The following SERPINB12 variants were observed in gnomAD, a reference collection of about 807,000 sequenced individuals.
SERPINB12 encodes the protein serpin family B member 12.
SERPINB12 carries 57 observed loss-of-function variants against 41.1 expected under a neutral mutation model. The ratio of observed to expected loss-of-function variants is 1.39; its 90% CI spans 1.12 to 1.73. The LOEUF is 1.73. Ranked by LOEUF, SERPINB12 falls within the 40% of genes most tolerant of loss-of-function variation. The pLI is 0.00. For synonymous variants in SERPINB12, 180 were observed against 181.3 expected, an observed-to-expected ratio of 0.99 and a Z score of 0.06; for missense variants, 536 against 501.9, an observed-to-expected ratio of 1.07 and a Z score of -0.65.
chr18:63,527,268 A>C, the SERPINB12 span, among the ~76,000 whole-genome samples: 20 of 152,324 alleles, frequency 1.3e-4, no homozygotes, highest in Admixed American at 9.2e-4. Flanking sequence ...AGACCAAGTA[A>C]ATTTTATGCT....
chr18:63,525,555 C>CA, the SERPINB12 span, among the ~76,000 whole-genome samples: 3 of 152,154 alleles, frequency 2.0e-5, no homozygotes, highest in African/African-American at 7.2e-5. Flanking sequence ...TTGTGTTCAG[C>CA]AATTTATTTT....
chr18:63,560,395 G>T (rs779781191), intron 4 of SERPINB12, among the ~76,000 whole-genome samples: 12 of 152,214 alleles, frequency 7.9e-5, no homozygotes, highest in Non-Finnish European at 1.8e-4. Flanking sequence ...CAGGGGTTGG[G>T]TGGCCTCCTT....
At chr18:63,544,489 G>A (rs1455814068) in intron 1 of SERPINB12, among the ~76,000 whole-genome samples, 2 of 152,134 alleles carry the variant, frequency 1.3e-5, no homozygotes, top group African/African-American at 4.8e-5. Context: ...TGATGTAGTT[G>A]CCTGAGGTCT....
At chr18:63,534,404 T>G in the SERPINB12 span, among the ~76,000 whole-genome samples, 4 of 152,132 alleles carry the variant, frequency 2.6e-5, no homozygotes, top group African/African-American at 9.6e-5. Flanking sequence ...CCTTGCTGCC[T>G]TATTGTATTA....
chr18:63,561,584 G>T (rs752363509), intron 5 of SERPINB12, among the ~76,000 whole-genome samples: 2 of 152,140 alleles, frequency 1.3e-5, no homozygotes, highest in Admixed American at 1.3e-4. Flanking sequence ...AAAGACATAT[G>T]CACTCATATG....
At chr18:63,519,856 C>T in the SERPINB12 span, among the ~76,000 whole-genome samples, 482 of 152,198 alleles carry the variant, frequency 3.2e-3, no homozygotes, top group African/African-American at 6.5e-3. Flanking sequence ...AAGGTAGGCT[C>T]GAGAATGAGT....
At chr18:63,543,351 G>A (rs1910314287) in intron 1 of SERPINB12, among the ~76,000 whole-genome samples, 1 of 152,112 alleles carries the variant, frequency 6.6e-6, no homozygotes, top group Admixed American at 6.5e-5. Context: ...TTTGAAAGGA[G>A]AGACCCTCGT....
chr18:63,525,109 C>T, the SERPINB12 span, among the ~76,000 whole-genome samples: 1 of 152,164 alleles, frequency 6.6e-6, no homozygotes, highest in Non-Finnish European at 1.5e-5. Context: ...TGTATTTTCA[C>T]AGCTATAATT....
intron 5 of SERPINB12, among the ~76,000 whole-genome samples, chr18:63,562,710 C>A (rs1910953850): frequency 6.6e-6 from 1 of 152,182 alleles, no homozygotes; most frequent in African/African-American, 2.4e-5. Context: ...GAAAGCAATT[C>A]ATTAATGAAG....
At chr18:63,537,086 A>C in the SERPINB12 span, among the ~76,000 whole-genome samples, 1 of 152,226 alleles carries the variant, frequency 6.6e-6, no homozygotes, top group African/African-American at 2.4e-5. Context: ...TAAATATAAA[A>C]TAATTAAATA....
the SERPINB12 span, among the ~76,000 whole-genome samples, chr18:63,521,409 AGTGACTG>A: frequency 6.6e-6 from 1 of 152,206 alleles, no homozygotes; most frequent in African/African-American, 2.4e-5. Context: ...GTTGGAGAGA[AGTGACTG>A]GTGACTAGGA....
intron 4 of SERPINB12, among the ~76,000 whole-genome samples, chr18:63,560,672 C>CT (rs1018788346): frequency 6.6e-6 from 1 of 151,496 alleles, no homozygotes; most frequent in African/African-American, 2.4e-5. Context: ...ATTTCTAAAA[C>CT]TTTTTTTTTC....
In SERPINB12 at chr18:63,567,443, C is replaced by A. The variant is rs1313202648; in HGVS notation, c.*432C>A. On this transcript the variant is annotated 3_prime_UTR_variant, in exon 8 of 8. Transcript: ENST00000382768. ...TGTTTCTGGGGTAGTTTGACCGGAA[C>A]GTGTTTGGAAACTCAGCTCTGTTTC... 2.0e-5 allele frequency among the ~76,000 whole-genome samples: 3 copies of A among 152,030 alleles called. No homozygotes were observed. Among genetic ancestry groups the A allele is most frequent in the African/African-American group, 4.8e-5 (2 of 41,410 alleles).
rs1184292965 is a variant in SERPINB12 at position 63,558,228 on chromosome 18, T to C, written c.169-124T>C. On this transcript the variant is annotated intron_variant, in intron 2 of 7. Transcript: ENST00000382768. ...CAGAAGCACCCACTTTCCTTTAAAC[T>C]GTTGTTGATTGTTTTGTTTGACTAT... The C allele has an allele frequency of 7.0e-5, 80 of 1,139,054 alleles. 1 individual carries two copies. The East Asian group carries it at 1.9e-3, about 28-fold the overall frequency. The allele number at this position is 1,139,054 out of a possible 1,614,324, so 70.6% of individuals were successfully genotyped here.
intron 3 of SERPINB12, 80 bp downstream of exon 3, chr18:63,558,566 T>A: frequency 7.6e-6 from 11 of 1,445,058 alleles, no homozygotes; most frequent in Non-Finnish European, 9.3e-6. Flanking sequence ...TGGTGATAGT[T>A]GCTTATCCCC....
the SERPINB12 span, among the ~76,000 whole-genome samples, chr18:63,530,281 G>T: frequency 6.6e-6 from 1 of 152,110 alleles, no homozygotes; most frequent in Non-Finnish European, 1.5e-5. Flanking sequence ...GCCCTGATTA[G>T]TATTCTCAGT....
the SERPINB12 span, among the ~76,000 whole-genome samples, chr18:63,534,307 A>G: frequency 1.1e-4 from 16 of 152,188 alleles, no homozygotes; most frequent in African/African-American, 3.9e-4. Flanking sequence ...AACAAAACAA[A>G]ACAAAACAAA....
the SERPINB12 span, among the ~76,000 whole-genome samples, chr18:63,524,861 T>G: frequency 6.6e-6 from 1 of 152,008 alleles, no homozygotes; most frequent in South Asian, 2.1e-4. Context: ...GTGAGTCTCT[T>G]GTCTCAGCCA....
At chr18:63,539,645 AT>A (rs889083935), upstream of SERPINB12, among the ~76,000 whole-genome samples, 1 of 151,996 alleles carries the variant, frequency 6.6e-6, no homozygotes. Flanking sequence ...AAATCTTGTC[AT>A]TTTTTGTGGG....
Sources: gnomAD v4.1 joint callset for allele counts (sites outside exome capture counted in the v4.1 genomes callset) on GRCh38, gnomAD v4.1.1 for gene constraint, MANE v1.5 for transcripts, NCBI Gene and HGNC (gene_info 2026-07-23, HGNC 2026-07-21) for gene names.